SPG11: variants seen among roughly 807,000 people sequenced by gnomAD.
SPG11 encodes the protein SPG11 vesicle trafficking associated, spatacsin.
A neutral mutation model predicts 274.0 loss-of-function variants in SPG11; 222 were observed. The observed-to-expected ratio is 0.81, with a 90% CI of 0.73 to 0.91. The LOEUF is 0.91. Ranked by LOEUF, SPG11 falls within the 40% of genes least tolerant of loss-of-function variation. The probability of loss-of-function intolerance (pLI) is 0.00; values close to 1 mark genes in which losing one functional copy is unlikely to be tolerated. For missense variants in SPG11, 3,114 were observed against 2,872.7 expected, an observed-to-expected ratio of 1.08 and a Z score of -1.92; for synonymous variants, 1,144 against 1,039.7, an observed-to-expected ratio of 1.10 and a Z score of -1.93.
intron 19 of SPG11, among the ~76,000 whole-genome samples, chr15:44,607,796 T>C (rs761492802): frequency 6.6e-5 from 10 of 152,210 alleles, no homozygotes; most frequent in African/African-American, 1.4e-4. Flanking sequence ...CTTTCTCACA[T>C]TCTTAGACGT....
intron 29 of SPG11, 42 bp from the exon 30 acceptor site, chr15:44,584,600 A>G (rs1175770505): frequency 6.3e-7 from 1 of 1,595,804 alleles, no homozygotes. Flanking sequence ...TTCTTGGATA[A>G]AAAAGTATCA....
At chr15:44,643,833 G>C (rs1240118803) in intron 7 of SPG11, among the ~76,000 whole-genome samples, 1 of 152,040 alleles carries the variant, frequency 6.6e-6, no homozygotes, top group African/African-American at 2.4e-5. Flanking sequence ...GCAATGAAAA[G>C]AGAAAACCAG....
At position 44,630,520 on chromosome 15, in the gene SPG11, A is replaced by T. The variant is rs145619338; in HGVS notation, c.1736-1132T>A. ...TTTTAAAACATCAGAGCATTAGAAA[A>T]GCTGGCAATTCAAGAAAGAGGAGAC... On this transcript the variant is annotated intron_variant, in intron 8 of 39. Coordinates refer to ENST00000261866, the MANE Select transcript of SPG11 (RefSeq NM_025137.4). 2.2e-4 allele frequency among the ~76,000 whole-genome samples: 33 copies of T among 152,352 alleles called. No individual in the cohort carries two copies. The East Asian group carries it at 6.2e-3, about 28-fold the overall frequency.
rs1346852806 is a variant in SPG11 at position 44,584,405 on chromosome 15, C to A, written c.5275G>T (p.Ala1759Ser). ...SSFFSTQAHV[A>S]CEHPTGWSSM... is the part of the protein sequence containing the mutation. Reference sequence around the variant, plus strand: ...CTCCATCCAGTTGGGTGCTCACATGCCACATGGGCCTGGGTTGAGAAAAAG... The same window carrying A: ...CTCCATCCAGTTGGGTGCTCACATGACACATGGGCCTGGGTTGAGAAAAAG... The change falls in exon 30 of 40, where the codon GCA (alanine) becomes TCA (serine). Residue 1759 changes from alanine (A) to serine (S), a missense_variant. Ala to Ser is a moderately conservative substitution (Grantham distance 99). Coordinates refer to ENST00000261866, the MANE Select transcript of SPG11 (RefSeq NM_025137.4). 3 of 1,613,974 alleles carry A rather than the reference C, an allele frequency of 1.9e-6. No homozygotes were observed. Among genetic ancestry groups the A allele is most frequent in the Non-Finnish European group, 2.5e-6 (3 of 1,179,990 alleles).
intron 14 of SPG11, chr15:44,621,488 G>GC (rs2083749449): frequency 4.7e-6 from 2 of 423,310 alleles, no homozygotes; most frequent in African/African-American, 4.1e-5. Context: ...AAGACTATTT[G>GC]AAAAAACAGA....
At chr15:44,597,660 T>A (rs1013657063) in intron 23 of SPG11, among the ~76,000 whole-genome samples, 2 of 152,212 alleles carry the variant, frequency 1.3e-5, no homozygotes, top group African/African-American at 4.8e-5. Context: ...TACATGTTCC[T>A]GCTGCAAGCA....
intron 11 of SPG11, among the ~76,000 whole-genome samples, chr15:44,623,386 G>C (rs2083808224): frequency 6.6e-6 from 1 of 152,176 alleles, no homozygotes; most frequent in Non-Finnish European, 1.5e-5. Flanking sequence ...CTGGTATGCT[G>C]ATTCAAGTGG....
intron 8 of SPG11, 70 bp downstream of exon 8, chr15:44,633,435 C>T (rs766409051): frequency 8.6e-7 from 1 of 1,160,522 alleles, no homozygotes; most frequent in Non-Finnish European, 1.2e-6. Context: ...GAAAACACAA[C>T]ATCATACTTT....
chr15:44,587,438 C>G, intron 28 of SPG11, among the ~76,000 whole-genome samples: 1 of 152,206 alleles, frequency 6.6e-6, no homozygotes, highest in East Asian at 1.9e-4. Context: ...GCTTGTAATC[C>G]CAGCACCATG....
At chr15:44,570,706 C>T (rs1204350703) in intron 33 of SPG11, 48 bp from the exon 34 acceptor site, 7 of 1,600,016 alleles carry the variant, frequency 4.4e-6, no homozygotes, top group African/African-American at 1.3e-5. Context: ...CCTGGCTGCC[C>T]ACTGTCAACC....
Position 44,567,203 on chromosome 15 carries a change from T to G in SPG11, c.6754+221A>C, listed in dbSNP as rs2082327907. ...CATCTCTATTAAAAATACAAAAAAT[T>G]AGCCGGGTGTGGTGGCAGGTGCTTG... On this transcript the variant is annotated intron_variant, in intron 36 of 39. Transcript: ENST00000261866. 1.3e-5 allele frequency: 6 copies of G among 473,282 alleles called. No homozygotes were observed. In the Admixed American group the frequency reaches 2.0e-4, roughly 16 times the overall value. The allele number at this position is 473,282 out of a possible 1,614,324, so 29.3% of individuals were successfully genotyped here.
intron 11 of SPG11, among the ~76,000 whole-genome samples, chr15:44,624,359 A>T (rs2083838952): frequency 6.6e-6 from 1 of 151,980 alleles, no homozygotes; most frequent in Non-Finnish European, 1.5e-5. Flanking sequence ...GAGAGAGGAA[A>T]ACCTGCAATT....
rs75210987 is a variant in SPG11 at position 44,611,727 on chromosome 15, T to A, written c.3146-742A>T. ...AAAAAAATGGAAAATGCCCTCATTGTCGGAAAATGAGAGAACAGAAAATTA... is the reference window on the plus strand; with the variant it reads ...AAAAAAATGGAAAATGCCCTCATTGACGGAAAATGAGAGAACAGAAAATTA... On this transcript the variant is annotated intron_variant, in intron 17 of 39. Coordinates refer to ENST00000261866, the MANE Select transcript of SPG11 (RefSeq NM_025137.4). Among the ~76,000 whole-genome samples the A allele has an allele frequency of 6.4e-3, 969 of 152,020 alleles. 15 individuals carry two copies. Among genetic ancestry groups the A allele is most frequent in the African/African-American group, 0.022 (913 of 41,484 alleles).
At chr15:44,567,343 CTG>C (rs2082330799) in intron 36 of SPG11, 79 bp downstream of exon 36, 6 of 1,417,126 alleles carry the variant, frequency 4.2e-6, no homozygotes, top group African/African-American at 1.6e-5. Context: ...GAGCGAGACT[CTG>C]TCTCAAAAAA....
Position 44,663,115 on chromosome 15 carries a change from C to T in SPG11, c.257+276G>A, listed in dbSNP as rs75281924. On this transcript the variant is annotated intron_variant, in intron 1 of 39. Coordinates refer to ENST00000261866, the MANE Select transcript of SPG11 (RefSeq NM_025137.4). ...TCAGCGCCTCAGCTGAGACCCGTTC[C>T]GGGTTCGCCGCAGGTGGCAATGGAG... Among the ~76,000 whole-genome samples the T allele has an allele frequency of 0.02, 2,989 of 152,360 alleles. 110 individuals carry two copies. Among genetic ancestry groups the T allele is most frequent in the African/African-American group, 0.068 (2,836 of 41,588 alleles).
chr15:44,612,328 T>G (rs542678995), intron 17 of SPG11, among the ~76,000 whole-genome samples: 1 of 152,334 alleles, frequency 6.6e-6, no homozygotes, highest in South Asian at 2.1e-4. Flanking sequence ...CAAAATACAT[T>G]AAAATATTAT....
intron 23 of SPG11, among the ~76,000 whole-genome samples, chr15:44,597,724 C>T (rs1398303155): frequency 6.6e-6 from 1 of 152,228 alleles, no homozygotes; most frequent in Non-Finnish European, 1.5e-5. Flanking sequence ...AGGGTGCGTT[C>T]TCAGGGTCTG....
At chr15:44,607,105 A>C (rs1330855753) in intron 19 of SPG11, among the ~76,000 whole-genome samples, 2 of 152,148 alleles carry the variant, frequency 1.3e-5, no homozygotes, top group Non-Finnish European at 2.9e-5. Context: ...CTACAAAAAA[A>C]CCCCTACTGA....
intron 38 of SPG11, among the ~76,000 whole-genome samples, chr15:44,565,351 G>A (rs1012169674): frequency 6.6e-6 from 1 of 152,180 alleles, no homozygotes; most frequent in Non-Finnish European, 1.5e-5. Flanking sequence ...GACTGGGAGG[G>A]GATGGTTTCG....
Sources: gnomAD v4.1 joint callset for allele counts (sites outside exome capture counted in the v4.1 genomes callset) on GRCh38, gnomAD v4.1.1 for gene constraint, MANE v1.5 for transcripts, NCBI Gene and HGNC (gene_info 2026-07-23, HGNC 2026-07-21) for gene names.